KCNK12: variants seen among roughly 807,000 people sequenced by gnomAD.
KCNK12 encodes potassium channel subfamily K member 12.
A neutral mutation model predicts 25.3 loss-of-function variants in KCNK12; 6 were observed. That is an observed-to-expected ratio of 0.24 (90% confidence interval 0.13 to 0.47). The LOEUF (loss-of-function observed/expected upper bound fraction) is 0.47, where lower values mean the gene tolerates loss of function less well. Among genes scored for constraint, KCNK12 ranks in the 20% least tolerant of loss-of-function variants. KCNK12 has a pLI of 0.99. For missense variants in KCNK12, 444 were observed against 661.7 expected (o/e 0.67, Z 3.61); for synonymous variants, 331 against 311.1 (o/e 1.06, Z -0.67).
chr2:47,515,598 T>C lies in KCNK12; in HGVS notation c.*5309A>G, dbSNP rs890694046. On this transcript the variant is annotated 3_prime_UTR_variant, in exon 2 of 2. Coordinates refer to ENST00000327876, the MANE Select transcript of KCNK12 (RefSeq NM_022055.2). ...TGTAGATAAAAGATGGAGCTTGTGC[T>C]TCTGAGTGGTCATGCTCAACAGGGT... Among the ~76,000 whole-genome samples the C allele has an allele frequency of 1.3e-5, 2 of 152,182 alleles. No homozygotes were observed. Among genetic ancestry groups the C allele is most frequent in the Admixed American group, 1.3e-4 (2 of 15,272 alleles).
In KCNK12 at chr2:47,510,467, T is replaced by G. The variant is rs1668373164; in HGVS notation, c.*10440A>C. 6.6e-6 allele frequency: 1 copy of G among 151,994 alleles called. No individual in the cohort carries two copies. Among genetic ancestry groups the G allele is most frequent in the East Asian group, 1.9e-4 (1 of 5,168 alleles). 9.4% of individuals were successfully genotyped at this position (151,994 alleles called of 1,614,324 possible). A position where few individuals can be genotyped will look rare whatever the true frequency, so the allele number is the denominator to read the frequency against. ...CTAGACTGCATGGAGATGGGTGGAGTTATCTAAAAGAACAGAGATAGTGTC... is the reference window on the plus strand; with the variant it reads ...CTAGACTGCATGGAGATGGGTGGAGGTATCTAAAAGAACAGAGATAGTGTC... On this transcript the variant is annotated 3_prime_UTR_variant, in exon 2 of 2. Coordinates refer to ENST00000327876, the MANE Select transcript of KCNK12 (RefSeq NM_022055.2).
In KCNK12 at chr2:47,511,887, T is replaced by C. The variant is rs112861768; in HGVS notation, c.*9020A>G. 8.0e-3 allele frequency among the ~76,000 whole-genome samples: 1,215 copies of C among 152,328 alleles called. 10 individuals carry two copies. Among genetic ancestry groups the C allele is most frequent in the African/African-American group, 0.028 (1,148 of 41,566 alleles). The stretch of plus-strand genomic sequence containing the variant: ...GGCTATTGAACACTTGAAATGGGGT[T>C]AGTGCAATTGACGAGCTGAAAATGT... On this transcript the variant is annotated 3_prime_UTR_variant, in exon 2 of 2. Coordinates refer to ENST00000327876, the MANE Select transcript of KCNK12 (RefSeq NM_022055.2). This position sits in a 1 kb window ranked among gnomAD's most constrained non-coding sequence, Gnocchi z 4.3.
In KCNK12 at chr2:47,511,899, C is replaced by T. The variant is rs768539876; in HGVS notation, c.*9008G>A. ...CTTGAAATGGGGTTAGTGCAATTGA[C>T]GAGCTGAAAATGTAGTTTAAATTCA... On this transcript the variant is annotated 3_prime_UTR_variant, in exon 2 of 2. Coordinates refer to ENST00000327876, the MANE Select transcript of KCNK12 (RefSeq NM_022055.2). This position sits in a 1 kb window ranked among gnomAD's most constrained non-coding sequence, Gnocchi z 4.3. 3.5e-4 allele frequency among the ~76,000 whole-genome samples: 54 copies of T among 152,182 alleles called. No individual in the cohort carries two copies. The highest frequency in any genetic ancestry group is 3.2e-3 in the Admixed American group (49 of 15,280).
intron 1 of KCNK12, among the ~76,000 whole-genome samples, chr2:47,561,500 G>C (rs1439528073): frequency 6.6e-6 from 1 of 152,208 alleles, no homozygotes; most frequent in Non-Finnish European, 1.5e-5. Context: ...CAGGGGGGCT[G>C]AGGCCCAGAG....
chr2:47,549,957 T>C (rs1400934940), intron 1 of KCNK12, among the ~76,000 whole-genome samples: 2 of 147,990 alleles, frequency 1.4e-5, no homozygotes, highest in African/African-American at 2.5e-5. Context: ...AGGAAAAATA[T>C]CATGTCTGAA....
intron 1 of KCNK12, 79 bp from the exon 2 acceptor site, chr2:47,521,887 C>CGGGGGCGGGGGGGGGGGGGGGGGGGGG: frequency 3.7e-6 from 1 of 270,362 alleles, no homozygotes; most frequent in Non-Finnish European, 6.5e-6. Flanking sequence ...GGTGTGGGGG[C>CGGGGGCGGGGGGGGGGGGGGGGGGGGG]GGGGGCATGC....
At position 47,539,588 on chromosome 2, in the gene KCNK12, A is replaced by T. The variant is rs538742577; in HGVS notation, c.392-17780T>A. 4.8e-4 allele frequency among the ~76,000 whole-genome samples: 73 copies of T among 152,252 alleles called. No homozygotes were observed. The South Asian group carries it at 0.014, about 29-fold the overall frequency. On this transcript the variant is annotated intron_variant, in intron 1 of 1. Coordinates refer to ENST00000327876, the MANE Select transcript of KCNK12 (RefSeq NM_022055.2). Reference sequence around the variant, plus strand: ...GCTAGAGGCCATTCAGGAAGGAAGGAATGACGGGGCAAGGGGTCAGAAATT... The same window carrying T: ...GCTAGAGGCCATTCAGGAAGGAAGGTATGACGGGGCAAGGGGTCAGAAATT...
intron 1 of KCNK12, among the ~76,000 whole-genome samples, chr2:47,537,740 A>G (rs539018141): frequency 1.3e-5 from 2 of 152,336 alleles, no homozygotes; most frequent in Non-Finnish European, 2.9e-5. Context: ...CCCAACAAGC[A>G]CTGTTAAGTT....
rs574194701 is a variant in KCNK12 at position 47,514,421 on chromosome 2, T to C, written c.*6486A>G. ...TTCTCACCCTTGTCTCTCCAGCCCC[T>C]AACACAGGGGATGCCTGACCCCAAA... On this transcript the variant is annotated 3_prime_UTR_variant, in exon 2 of 2. Transcript: ENST00000327876. This position sits in a 1 kb window ranked among gnomAD's most constrained non-coding sequence, Gnocchi z 5.0. Among the ~76,000 whole-genome samples, 47 of 152,234 alleles carry C rather than the reference T, an allele frequency of 3.1e-4. No homozygotes were observed. The highest frequency in any genetic ancestry group is 1.1e-3 in the African/African-American group (46 of 41,536).
At chr2:47,553,271 C>T (rs191472740) in intron 1 of KCNK12, among the ~76,000 whole-genome samples, 7 of 152,244 alleles carry the variant, frequency 4.6e-5, no homozygotes, top group African/African-American at 7.2e-5. Context: ...ACTTAGAGCG[C>T]GTAAAGAAAC....
rs552481972 is a variant in KCNK12, at chr2:47,553,142, G to C, written c.391+16799C>G. ...AAGGGTCCTCCCCATGACCCTGTGA[G>C]GTAGACCTCATTGCAAGAGTATATA... is the stretch of plus-strand genomic sequence containing the variant. On this transcript the variant is annotated intron_variant, in intron 1 of 1. Transcript: ENST00000327876. Among the ~76,000 whole-genome samples, 3 of 152,322 alleles carry C rather than the reference G, an allele frequency of 2.0e-5. No individual in the cohort carries two copies. The South Asian group carries it at 6.2e-4, about 32-fold the overall frequency.
At position 47,550,476 on chromosome 2, in the gene KCNK12, G is replaced by A. The variant is rs571904421; in HGVS notation, c.391+19465C>T. Among the ~76,000 whole-genome samples, 487 of 139,564 alleles carry A rather than the reference G, an allele frequency of 3.5e-3. 4 individuals carry two copies. Among genetic ancestry groups the A allele is most frequent in the African/African-American group, 0.011 (394 of 34,662 alleles). 91.6% of individuals were successfully genotyped at this position (139,564 alleles called of 152,430 possible). On this transcript the variant is annotated intron_variant, in intron 1 of 1. Transcript: ENST00000327876. ...TGGCTCTCTGCAACCTCTGCCTCCC[G>A]GGTTCAAGTGATTCTCCTGCCTCAG...
chr2:47,563,276 T>A lies in KCNK12; in HGVS notation c.391+6665A>T, dbSNP rs1572612179. 6 of 233,450 alleles carry A rather than the reference T, an allele frequency of 2.6e-5. No individual in the cohort carries two copies. In the East Asian group the frequency reaches 3.6e-4, roughly 14 times the overall value. 14.5% of individuals were successfully genotyped at this position (233,450 alleles called of 1,614,324 possible). ...CTCCCCTCTGTGCGTAGCGCAACACTCACCCCTTCTGGGAAGCCTTGGTGC... is the reference window on the plus strand; with the variant it reads ...CTCCCCTCTGTGCGTAGCGCAACACACACCCCTTCTGGGAAGCCTTGGTGC... On this transcript the variant is annotated intron_variant, in intron 1 of 1. Coordinates refer to ENST00000327876, the MANE Select transcript of KCNK12 (RefSeq NM_022055.2).
Position 47,511,909 on chromosome 2 carries a change from A to G in KCNK12, c.*8998T>C, listed in dbSNP as rs6746426. On this transcript the variant is annotated 3_prime_UTR_variant, in exon 2 of 2. Transcript: ENST00000327876. This position sits in a 1 kb window ranked among gnomAD's most constrained non-coding sequence, Gnocchi z 4.3. ...GGTTAGTGCAATTGACGAGCTGAAA[A>G]TGTAGTTTAAATTCACTTACATTTA... is the stretch of plus-strand genomic sequence containing the variant. Among the ~76,000 whole-genome samples, 70,646 of 151,718 alleles carry G rather than the reference A, an allele frequency of 0.47. 17,651 individuals carry two copies. The highest frequency in any genetic ancestry group is 0.65 in the East Asian group (3,330 of 5,126).
Position 47,509,396 on chromosome 2 carries a change from C to T in KCNK12, c.*11511G>A, listed in dbSNP as rs1314837177. On this transcript the variant is annotated 3_prime_UTR_variant, in exon 2 of 2. Coordinates refer to ENST00000327876, the MANE Select transcript of KCNK12 (RefSeq NM_022055.2). ...ATGGGGGAGGTGAAATGGGGTAGGT[C>T]TTTGAAAACCAACAGATTGCAAATT... Among the ~76,000 whole-genome samples, 1 of 152,216 alleles carries T rather than the reference C, an allele frequency of 6.6e-6. No homozygotes were observed. Among genetic ancestry groups the T allele is most frequent in the Non-Finnish European group, 1.5e-5 (1 of 68,036 alleles).
At chr2:47,564,278 C>T in intron 1 of KCNK12, 1 of 230,264 alleles carries the variant, frequency 4.3e-6, no homozygotes, top group South Asian at 1.8e-4. Flanking sequence ...TCTCTCGCTC[C>T]AAAGGGGCTG....
Position 47,570,582 on chromosome 2 carries a change from C to T in KCNK12, c.-251G>A. 3.6e-6 allele frequency: 1 copy of T among 275,970 alleles called. No individual in the cohort carries two copies. The highest frequency in any genetic ancestry group is 6.7e-6 in the Non-Finnish European group (1 of 149,596). The allele number at this position is 275,970 out of a possible 1,614,324, so 17.1% of individuals were successfully genotyped here. A position where few individuals can be genotyped will look rare whatever the true frequency, so the allele number is the denominator to read the frequency against. On this transcript the variant is annotated 5_prime_UTR_variant, in exon 1 of 2. Transcript: ENST00000327876. ...GTGCCCGGGCAGGGGCGCTCCTCTG[C>T]GCGCCCCGACGCCTCGCCGGCTCCC...
chr2:47,526,389 G>T (rs1274790456), intron 1 of KCNK12, among the ~76,000 whole-genome samples: 1 of 144,406 alleles, frequency 6.9e-6, no homozygotes, highest in Non-Finnish European at 1.5e-5. Flanking sequence ...CTGGGCAACA[G>T]AGTGAGACTC....
chr2:47,563,297 G>A, intron 1 of KCNK12: 1 of 233,600 alleles, frequency 4.3e-6, no homozygotes, highest in East Asian at 6.0e-5. Context: ...GGGAAGCCTT[G>A]GTGCCCTCTC....
Sources: gnomAD v4.1 joint callset for allele counts (sites outside exome capture counted in the v4.1 genomes callset) on GRCh38, gnomAD v4.1.1 for gene constraint, Gnocchi (gnomAD v3.1) non-coding constraint, MANE v1.5 for transcripts, NCBI Gene and HGNC (gene_info 2026-07-23, HGNC 2026-07-21) for gene names.